NLK: variants seen among roughly 807,000 people sequenced by gnomAD.
NLK encodes the protein nemo like kinase, also known as serine/threonine-protein kinase NLK.
In NLK, 11 loss-of-function variants were observed where a neutral mutation model predicts 59.0. The observed-to-expected ratio is 0.19, with a 90% CI of 0.12 to 0.31. The LOEUF is 0.31. NLK is among the 10% of genes least tolerant of loss of function. NLK has a pLI of 1.00. For synonymous variants in NLK, 235 were observed against 235.9 expected (o/e 1.00, Z 0.03); for missense variants, 410 against 661.1 (o/e 0.62, Z 4.16).
At chr17:28,124,765 C>T (rs1005152192) in intron 2 of NLK, among the ~76,000 whole-genome samples, 5 of 151,890 alleles carry the variant, frequency 3.3e-5, no homozygotes, top group African/African-American at 9.7e-5. Flanking sequence ...TTTGCTTACT[C>T]GGGGCCGGGC....
chr17:28,055,285 G>A (rs947566407), intron 1 of NLK, among the ~76,000 whole-genome samples: 1 of 151,862 alleles, frequency 6.6e-6, no homozygotes, highest in Non-Finnish European at 1.5e-5. Context: ...TAGAGACGGA[G>A]TTTCACCATG....
intron 3 of NLK, among the ~76,000 whole-genome samples, chr17:28,142,015 C>A (rs1239966913): frequency 2.0e-5 from 3 of 152,186 alleles, no homozygotes; most frequent in Non-Finnish European, 1.5e-5. Flanking sequence ...TTGACAGACA[C>A]AGAGCTTGCC....
In NLK at chr17:28,122,503, T is replaced by C; in HGVS notation, c.459-100T>C. The C allele has an allele frequency of 3.9e-6, 5 of 1,285,136 alleles. No individual in the cohort carries two copies. In the South Asian group the frequency reaches 6.7e-5, roughly 17 times the overall value. The allele number at this position is 1,285,136 out of a possible 1,614,324, so 79.6% of individuals were successfully genotyped here. On this transcript the variant is annotated intron_variant, in intron 1 of 10. Transcript: ENST00000407008. ...TAAGTGGACTTAATGTTGAGTGTTTTAAGATAAAGATATTGTCATGATCTG... is the reference window on the plus strand; with the variant it reads ...TAAGTGGACTTAATGTTGAGTGTTTCAAGATAAAGATATTGTCATGATCTG...
chr17:28,107,308 G>A (rs1464336808), intron 1 of NLK, among the ~76,000 whole-genome samples: 1 of 151,914 alleles, frequency 6.6e-6, no homozygotes, highest in Non-Finnish European at 1.5e-5. Flanking sequence ...GGTGGCAGGC[G>A]CCTGTAATCC....
intron 1 of NLK, among the ~76,000 whole-genome samples, chr17:28,088,677 T>C (rs966915550): frequency 1.3e-5 from 2 of 152,326 alleles, no homozygotes; most frequent in African/African-American, 2.4e-5. Context: ...GTTATTTTGG[T>C]CACTGGGCTC....
chr17:28,124,122 T>C (rs1906194140), intron 2 of NLK, among the ~76,000 whole-genome samples: 1 of 152,236 alleles, frequency 6.6e-6, no homozygotes, highest in Non-Finnish European at 1.5e-5. Context: ...TATTTCATTT[T>C]AATGATTATT....
chr17:28,047,580 CT>C (rs1342519944), intron 1 of NLK, among the ~76,000 whole-genome samples: 25 of 152,146 alleles, frequency 1.6e-4, no homozygotes, highest in Admixed American at 5.9e-4. Flanking sequence ...GAAAGACATC[CT>C]TATTGTCGAA....
intron 1 of NLK, among the ~76,000 whole-genome samples, chr17:28,090,444 T>G (rs1904445597): frequency 6.6e-6 from 1 of 152,204 alleles, no homozygotes; most frequent in Non-Finnish European, 1.5e-5. Context: ...AGATACCCAG[T>G]TTTTCATCTG....
intron 1 of NLK, among the ~76,000 whole-genome samples, chr17:28,120,250 GT>G: frequency 7.0e-6 from 1 of 142,270 alleles, no homozygotes; most frequent in Non-Finnish European, 1.5e-5. Flanking sequence ...GTGTGTGTGT[GT>G]GTGTGTGTGT....
chr17:28,058,281 C>T (rs1308639975), intron 1 of NLK, among the ~76,000 whole-genome samples: 3 of 152,186 alleles, frequency 2.0e-5, no homozygotes, highest in African/African-American at 7.2e-5. Context: ...AATAGGGACA[C>T]CGTAATGTTT....
In NLK at chr17:28,195,720, C is replaced by T. The variant is rs547382821; in HGVS notation, c.*1084C>T. 6.6e-6 allele frequency: 1 copy of T among 152,492 alleles called. No individual in the cohort carries two copies. The highest frequency in any genetic ancestry group is 2.4e-5 in the African/African-American group (1 of 41,500). 9.4% of individuals were successfully genotyped at this position (152,492 alleles called of 1,614,324 possible). A position where few individuals can be genotyped will look rare whatever the true frequency, so the allele number is the denominator to read the frequency against. On this transcript the variant is annotated 3_prime_UTR_variant, in exon 11 of 11. Transcript: ENST00000407008. ...TGTTGGAACACTGAATTCTTCTGTG[C>T]ATATGTACATATGAATACAAATCGA...
At chr17:28,165,954 C>T (rs1412123691) in intron 5 of NLK, among the ~76,000 whole-genome samples, 3 of 152,198 alleles carry the variant, frequency 2.0e-5, no homozygotes, top group Non-Finnish European at 4.4e-5. Context: ...CAGTGGCTCA[C>T]GCCTGTAATC....
intron 1 of NLK, among the ~76,000 whole-genome samples, chr17:28,055,939 G>A (rs1413515949): frequency 6.6e-6 from 1 of 152,096 alleles, no homozygotes; most frequent in Non-Finnish European, 1.5e-5. Flanking sequence ...GCACATAAAA[G>A]GAAGGTTTTT....
intron 1 of NLK, among the ~76,000 whole-genome samples, chr17:28,098,752 G>A (rs1277053593): frequency 7.1e-6 from 1 of 140,298 alleles, no homozygotes; most frequent in Non-Finnish European, 1.5e-5. Flanking sequence ...GCGCCATCTC[G>A]GCTCACCACA....
chr17:28,180,962 GAA>G (rs968875411), intron 7 of NLK, among the ~76,000 whole-genome samples: 2 of 152,130 alleles, frequency 1.3e-5, no homozygotes, highest in African/African-American at 4.8e-5. Flanking sequence ...TTTTAAACAA[GAA>G]ATACTTAGGC....
intron 1 of NLK, among the ~76,000 whole-genome samples, chr17:28,104,534 G>A (rs1397156277): frequency 2.0e-5 from 3 of 152,128 alleles, no homozygotes; most frequent in Admixed American, 6.5e-5. Flanking sequence ...GATTACAGGC[G>A]TGAGCCACTA....
downstream of NLK, among the ~76,000 whole-genome samples, chr17:28,199,192 A>G (rs960112026): frequency 5.3e-5 from 8 of 152,228 alleles, no homozygotes; most frequent in African/African-American, 1.9e-4. Flanking sequence ...AAAATTAACC[A>G]AAAATATTGT....
chr17:28,103,381 A>T (rs1367375764), intron 1 of NLK, among the ~76,000 whole-genome samples: 2 of 152,138 alleles, frequency 1.3e-5, no homozygotes, highest in Non-Finnish European at 2.9e-5. Flanking sequence ...TGAACTTTGG[A>T]GCTTTTGCAG....
chr17:28,146,428 C>T (rs1907257947), intron 3 of NLK, among the ~76,000 whole-genome samples: 1 of 151,872 alleles, frequency 6.6e-6, no homozygotes, highest in Non-Finnish European at 1.5e-5. Flanking sequence ...ATGATGATAG[C>T]AGCTACCACC....
Sources: allele counts gnomAD v4.1 joint callset (sites outside exome capture counted in the v4.1 genomes callset), GRCh38; gene constraint gnomAD v4.1.1; transcripts MANE v1.5; gene names NCBI Gene and HGNC (gene_info 2026-07-23, HGNC 2026-07-21).